The following STXBP5 variants were observed in gnomAD, a reference collection of about 807,000 sequenced individuals.
The protein encoded by STXBP5 is syntaxin-binding protein 5.
In STXBP5, 50 loss-of-function variants were observed where a neutral mutation model predicts 152.4. That is an observed-to-expected ratio of 0.33 (90% CI 0.26 to 0.42). STXBP5 has a LOEUF of 0.42. STXBP5 is among the 10% of genes least tolerant of loss of function. The probability of loss-of-function intolerance (pLI) is 1.00; values close to 1 mark genes in which losing one functional copy is unlikely to be tolerated. For missense variants in STXBP5, 1,167 were observed against 1,388.6 expected (o/e 0.84, Z 2.54); for synonymous variants, 492 against 494.7 (o/e 0.99, Z 0.07).
intron 4 of STXBP5, among the ~76,000 whole-genome samples, chr6:147,260,331 G>T (rs1779583313): frequency 6.6e-6 from 1 of 152,116 alleles, no homozygotes; most frequent in Non-Finnish European, 1.5e-5. Flanking sequence ...TGTGTGGTAT[G>T]CCCAAGGTTA....
In STXBP5 at chr6:147,204,432, C is replaced by G. The variant is rs902866003; in HGVS notation, c.-101C>G. 1.7e-6 allele frequency: 2 copies of G among 1,158,448 alleles called. No individual in the cohort carries two copies. The highest frequency in any genetic ancestry group is 2.3e-5 in the Admixed American group (1 of 43,736). 71.8% of individuals were successfully genotyped at this position (1,158,448 alleles called of 1,614,324 possible). On this transcript the variant is annotated 5_prime_UTR_variant, in exon 1 of 28. Transcript: ENST00000321680. The surrounding 1 kb of genome is among the most constrained non-coding windows in gnomAD (Gnocchi z 4.3). ...CCTTACCCTCACACTCCCACTCCTC[C>G]GTTTCCGCGGTCGAAGCTGCCTTCG...
At chr6:147,308,086 C>T (rs912438039) in intron 9 of STXBP5, among the ~76,000 whole-genome samples, 7 of 152,204 alleles carry the variant, frequency 4.6e-5, no homozygotes, top group African/African-American at 1.7e-4. Context: ...ATACCTGGCT[C>T]AAGTCTTCCA....
In STXBP5 at chr6:147,363,698, C is replaced by T. The variant is rs138858870; in HGVS notation, c.2909C>T (p.Thr970Ile). Reference sequence around the variant, plus strand: ...TTCTGTGCCAATGGACATATAATGACTTTTAGGTAAGAGTTAGATATGTTT... The same window carrying T: ...TTCTGTGCCAATGGACATATAATGATTTTTAGGTAAGAGTTAGATATGTTT... ...ACFCANGHIM[T>I]FSLPSLRPLL... Residue 970 changes from threonine to isoleucine, a missense_variant, in exon 24 of 28, where the codon ACT (threonine) becomes ATT (isoleucine). By Grantham distance (89) the Thr-to-Ile change is moderately conservative. This residue lies in a region of STXBP5 where 833 missense variants were observed against 986.3 expected (regional missense o/e 0.84). Coordinates refer to ENST00000321680, the MANE Select transcript of STXBP5 (RefSeq NM_001127715.4). 8.7e-6 allele frequency: 14 copies of T among 1,606,334 alleles called. No homozygotes were observed. The African/African-American group carries it at 1.3e-4, about 15-fold the overall frequency.
intron 25 of STXBP5, 30 bp downstream of exon 25, chr6:147,364,196 T>C: frequency 6.3e-7 from 1 of 1,590,884 alleles, no homozygotes; most frequent in Non-Finnish European, 8.6e-7. Context: ...CTGTAATTTC[T>C]TCAGAGGTAA....
chr6:147,253,614 C>G (rs1404560455), intron 4 of STXBP5, among the ~76,000 whole-genome samples: 1 of 152,180 alleles, frequency 6.6e-6, no homozygotes, highest in Non-Finnish European at 1.5e-5. Context: ...TTTCAGGATA[C>G]AAAATCATTG....
chr6:147,242,271 C>T (rs1240102883), intron 4 of STXBP5, among the ~76,000 whole-genome samples: 1 of 151,434 alleles, frequency 6.6e-6, no homozygotes, highest in Non-Finnish European at 1.5e-5. Flanking sequence ...TATAGTTTTA[C>T]ATTGTGTTTG....
intron 2 of STXBP5, among the ~76,000 whole-genome samples, chr6:147,222,769 A>G (rs1777522665): frequency 6.6e-6 from 1 of 152,188 alleles, no homozygotes; most frequent in South Asian, 2.1e-4. Context: ...TCCAATATTC[A>G]TTGTGAGAAC....
intron 21 of STXBP5, among the ~76,000 whole-genome samples, chr6:147,350,067 A>G (rs1213678344): frequency 1.3e-5 from 2 of 152,164 alleles, no homozygotes; most frequent in Non-Finnish European, 2.9e-5. Context: ...ACTATATTAA[A>G]ATTTATATGA....
Position 147,204,676 on chromosome 6 carries a change from C to T in STXBP5, c.144C>T (p.Leu48=). The change falls in exon 1 of 28, where the codon CTC becomes CTT. Residue 48 remains leucine, a synonymous_variant. Transcript: ENST00000321680. The surrounding 1 kb of genome is among the most constrained non-coding windows in gnomAD (Gnocchi z 4.3). ...QETLQSEHFQ[L]CKTVRHGFPY... is the part of the protein sequence containing the mutation. ...CGCTCCAGTCCGAGCACTTTCAGCTCTGCAAGGTGAACGGAGCGCGCAGCC... is the reference window on the plus strand; with the variant it reads ...CGCTCCAGTCCGAGCACTTTCAGCTTTGCAAGGTGAACGGAGCGCGCAGCC... 5 of 1,588,352 alleles carry T rather than the reference C, an allele frequency of 3.1e-6. No individual in the cohort carries two copies. The highest frequency in any genetic ancestry group is 1.4e-5 in the African/African-American group (1 of 73,572).
intron 4 of STXBP5, 41 bp from the exon 5 acceptor site, chr6:147,260,574 A>G: frequency 6.2e-7 from 1 of 1,612,608 alleles, no homozygotes; most frequent in East Asian, 2.2e-5. Context: ...AAAATTTGCC[A>G]TTTTTCAAAT....
chr6:147,305,271 T>A (rs1030041377), intron 9 of STXBP5, among the ~76,000 whole-genome samples: 1 of 152,158 alleles, frequency 6.6e-6, no homozygotes, highest in Non-Finnish European at 1.5e-5. Context: ...TAAAAAAAAA[T>A]TTAAATACTT....
chr6:147,222,499 C>T (rs1777509738), intron 2 of STXBP5, among the ~76,000 whole-genome samples: 1 of 152,160 alleles, frequency 6.6e-6, no homozygotes. Context: ...CTTCCTCCCA[C>T]TCCCTTTTAG....
At chr6:147,346,096 T>C (rs1378250269) in intron 21 of STXBP5, among the ~76,000 whole-genome samples, 1 of 152,168 alleles carries the variant, frequency 6.6e-6, no homozygotes, top group African/African-American at 2.4e-5. Flanking sequence ...TTTCAATAAC[T>C]CATCCAGATT....
chr6:147,219,799 G>GTTTT (rs35444906), intron 2 of STXBP5, among the ~76,000 whole-genome samples: 172 of 85,646 alleles, frequency 2.0e-3, no homozygotes, highest in Middle Eastern at 0.011. Flanking sequence ...CTAGAAGCTT[G>GTTTT]TTTTTTTTTT....
At chr6:147,351,675 G>T (rs1168876590) in intron 21 of STXBP5, among the ~76,000 whole-genome samples, 1 of 152,104 alleles carries the variant, frequency 6.6e-6, no homozygotes. Context: ...TGGTGAAAAT[G>T]GGGTGACTTT....
intron 25 of STXBP5, among the ~76,000 whole-genome samples, chr6:147,369,128 G>C (rs1245644229): frequency 2.6e-5 from 4 of 151,964 alleles, no homozygotes; most frequent in Non-Finnish European, 5.9e-5. Flanking sequence ...TTTTGGCATT[G>C]AGATGAATGG....
intron 4 of STXBP5, among the ~76,000 whole-genome samples, chr6:147,247,243 A>C (rs1389958063): frequency 6.6e-6 from 1 of 152,220 alleles, no homozygotes; most frequent in African/African-American, 2.4e-5. Context: ...TAATCGCATA[A>C]CATTATCAAA....
At chr6:147,323,248 T>C (rs916605265) in intron 16 of STXBP5, among the ~76,000 whole-genome samples, 3 of 152,190 alleles carry the variant, frequency 2.0e-5, no homozygotes, top group Non-Finnish European at 2.9e-5. Flanking sequence ...ACTCCATTAA[T>C]GTGTTTCAAT....
intron 27 of STXBP5, 49 bp downstream of exon 27, chr6:147,383,047 G>A (rs1170658386): frequency 1.9e-6 from 3 of 1,580,726 alleles, no homozygotes; most frequent in African/African-American, 1.4e-5. Flanking sequence ...GGTAAAGCAA[G>A]TGTGAATGTT....
Sources: allele counts gnomAD v4.1 joint callset (sites outside exome capture counted in the v4.1 genomes callset), GRCh38; gene constraint gnomAD v4.1.1; regional missense constraint gnomAD v4.1.1; non-coding constraint Gnocchi (gnomAD v3.1); transcripts MANE v1.5; gene names NCBI Gene and HGNC (gene_info 2026-07-23, HGNC 2026-07-21).